The following TAX1BP1 variants were observed in gnomAD, a reference collection of about 807,000 sequenced individuals.
TAX1BP1 encodes the protein tax1-binding protein 1.
A neutral mutation model predicts 97.7 loss-of-function variants in TAX1BP1; 62 were observed. The observed-to-expected ratio is 0.63, with a 90% CI of 0.52 to 0.78. The LOEUF (loss-of-function observed/expected upper bound fraction) is 0.78. Ranked by LOEUF, TAX1BP1 falls within the 30% of genes least tolerant of loss-of-function variation. The pLI is 0.00. For missense variants in TAX1BP1, 867 were observed against 916.1 expected (o/e 0.95, Z 0.69); for synonymous variants, 340 against 304.2 (o/e 1.12, Z -1.23).
intron 1 of TAX1BP1, among the ~76,000 whole-genome samples, chr7:27,742,628 C>T (rs1022929097): frequency 3.9e-5 from 6 of 152,124 alleles, no homozygotes; most frequent in African/African-American, 7.2e-5. Context: ...CACACATACC[C>T]GGCAAATTTT....
intron 13 of TAX1BP1, among the ~76,000 whole-genome samples, chr7:27,805,169 A>G (rs1790288991): frequency 6.6e-6 from 1 of 152,222 alleles, no homozygotes; most frequent in African/African-American, 2.4e-5. Context: ...TGTTTCCCAT[A>G]TAAATTGTAA....
At chr7:27,758,723 A>G (rs1046953403) in intron 3 of TAX1BP1, among the ~76,000 whole-genome samples, 1 of 152,180 alleles carries the variant, frequency 6.6e-6, no homozygotes, top group African/African-American at 2.4e-5. Flanking sequence ...AAAATACTGC[A>G]TAATTCCGCT....
intron 5 of TAX1BP1, among the ~76,000 whole-genome samples, chr7:27,783,602 A>G (rs1789348209): frequency 6.6e-6 from 1 of 152,178 alleles, no homozygotes; most frequent in African/African-American, 2.4e-5. Flanking sequence ...TTCAGTTGCT[A>G]GTGATTTTTT....
At chr7:27,766,243 ACT>A (rs1788628513) in intron 4 of TAX1BP1, among the ~76,000 whole-genome samples, 3 of 151,892 alleles carry the variant, frequency 2.0e-5, no homozygotes, top group African/African-American at 7.3e-5. Context: ...ACACGGTGTA[ACT>A]CTGTCTCTAC....
chr7:27,746,309 AATAG>A, intron 1 of TAX1BP1, among the ~76,000 whole-genome samples: 1 of 151,862 alleles, frequency 6.6e-6, no homozygotes. Context: ...AGTTGTATCT[AATAG>A]ATGTTGGTTC....
At position 27,758,113 on chromosome 7, in the gene TAX1BP1, AT is replaced by A; in HGVS notation, c.247del (p.Cys83ValfsTer3). 1 of 1,611,262 alleles carries A rather than the reference AT, an allele frequency of 6.2e-7. No homozygotes were observed. Among genetic ancestry groups the A allele is most frequent in the Non-Finnish European group, 8.5e-7 (1 of 1,178,742 alleles). On this transcript the variant is annotated frameshift_variant, in exon 3 of 17. Transcript: ENST00000396319. LOFTEE classifies it high-confidence loss of function. ...PEHYVEGSTV[N>X]CVLAFQGYYL... ...CATTATGTGGAAGGATCAACAGTCA[AT>A]TGTGTACTAGCATTCCAAGGTAAGG... is the stretch of plus-strand genomic sequence containing the variant.
intron 13 of TAX1BP1, among the ~76,000 whole-genome samples, chr7:27,802,636 C>A (rs1470083201): frequency 6.6e-6 from 1 of 152,090 alleles, no homozygotes; most frequent in Non-Finnish European, 1.5e-5. Context: ...ATTCTGTTAA[C>A]AGAAGTACGA....
chr7:27,751,992 T>G (rs946212051), intron 2 of TAX1BP1, among the ~76,000 whole-genome samples: 1 of 152,068 alleles, frequency 6.6e-6, no homozygotes, highest in Non-Finnish European at 1.5e-5. Flanking sequence ...AAAAGTTAGT[T>G]TGGATCATGT....
chr7:27,795,786 C>T (rs976805626), intron 11 of TAX1BP1, among the ~76,000 whole-genome samples: 29 of 152,184 alleles, frequency 1.9e-4, no homozygotes, highest in African/African-American at 6.5e-4. Flanking sequence ...TCTCCTGCCT[C>T]GGCCTCGACC....
intron 5 of TAX1BP1, among the ~76,000 whole-genome samples, chr7:27,780,753 C>G (rs540391274): frequency 3.3e-5 from 5 of 152,124 alleles, no homozygotes; most frequent in Admixed American, 3.3e-4. Context: ...ATATTTCTTT[C>G]AAGCCAATTA....
At chr7:27,790,766 A>T (rs1789675213) in intron 8 of TAX1BP1, among the ~76,000 whole-genome samples, 1 of 152,108 alleles carries the variant, frequency 6.6e-6, no homozygotes, top group Non-Finnish European at 1.5e-5. Flanking sequence ...TAAATATCTG[A>T]TGAGAAAAGA....
intron 1 of TAX1BP1, among the ~76,000 whole-genome samples, chr7:27,744,549 T>C (rs1336268126): frequency 1.3e-5 from 2 of 152,256 alleles, no homozygotes; most frequent in East Asian, 3.8e-4. Flanking sequence ...TTATATTTAG[T>C]ATTTATCTAA....
chr7:27,764,937 G>T, intron 3 of TAX1BP1, among the ~76,000 whole-genome samples: 1 of 108,046 alleles, frequency 9.3e-6, no homozygotes. Flanking sequence ...ATTCCTTTTT[G>T]TGGACTGCTA....
At chr7:27,743,307 A>C (rs62449630) in intron 1 of TAX1BP1, among the ~76,000 whole-genome samples, 15,273 of 152,228 alleles carry the variant, frequency 0.1, 835 homozygotes, top group South Asian at 0.12. Context: ...GAGAGTTGTT[A>C]GTCTTTCTTT....
intron 1 of TAX1BP1, among the ~76,000 whole-genome samples, chr7:27,742,251 A>G (rs371049423): frequency 2.6e-5 from 4 of 152,186 alleles, no homozygotes; most frequent in African/African-American, 4.8e-5. Context: ...CCACGAGGCC[A>G]TATTTCAGAC....
intron 15 of TAX1BP1, among the ~76,000 whole-genome samples, chr7:27,823,130 C>A (rs1221560368): frequency 6.6e-6 from 1 of 152,028 alleles, no homozygotes; most frequent in Non-Finnish European, 1.5e-5. Context: ...AATGTTATTT[C>A]TTCATTGATA....
At chr7:27,795,201 G>T (rs1010783849) in intron 11 of TAX1BP1, among the ~76,000 whole-genome samples, 1 of 152,150 alleles carries the variant, frequency 6.6e-6, no homozygotes, top group Non-Finnish European at 1.5e-5. Flanking sequence ...ATCCCCTGTA[G>T]GACAGAATTG....
chr7:27,788,224 AGAT>A (rs1421369231), intron 8 of TAX1BP1, among the ~76,000 whole-genome samples: 8 of 152,188 alleles, frequency 5.3e-5, no homozygotes, highest in Middle Eastern at 3.4e-3. Flanking sequence ...GAAAAGACAT[AGAT>A]GATGTTTTGT....
Position 27,787,313 on chromosome 7 carries a change from C to T in TAX1BP1, c.853-105C>T, listed in dbSNP as rs573243616. The T allele has an allele frequency of 1.9e-4, 201 of 1,065,858 alleles. No homozygotes were observed. The African/African-American group carries it at 2.9e-3, about 15-fold the overall frequency. The allele number at this position is 1,065,858 out of a possible 1,614,324, so 66.0% of individuals were successfully genotyped here. ...TAAATCCTAGTCTAGTATGTCTTTC[C>T]TTCCTTTCGTTGTCTTTGGGTTAGA... On this transcript the variant is annotated intron_variant, in intron 7 of 16. Coordinates refer to ENST00000396319, the MANE Select transcript of TAX1BP1 (RefSeq NM_006024.7).
Sources: allele counts gnomAD v4.1 joint callset (sites outside exome capture counted in the v4.1 genomes callset), GRCh38; gene constraint gnomAD v4.1.1; transcripts MANE v1.5; gene names NCBI Gene and HGNC (gene_info 2026-07-23, HGNC 2026-07-21).